Variants in EYA3 observed in about 807,000 individuals in gnomAD.
The protein encoded by EYA3 is protein phosphatase EYA3.
Under a neutral mutation model 80.0 loss-of-function variants are expected in EYA3, and 39 were observed. That is an observed-to-expected ratio of 0.49 (90% CI 0.38 to 0.64). EYA3 has a LOEUF of 0.64. EYA3 is among the 30% of genes least tolerant of loss of function. The pLI, the probability that EYA3 is intolerant of heterozygous loss-of-function variation, is 0.00. For synonymous variants in EYA3, 206 were observed against 232.8 expected (o/e 0.88, Z 1.05); for missense variants, 523 against 676.1 (o/e 0.77, Z 2.51).
intron 2 of EYA3, among the ~76,000 whole-genome samples, chr1:28,053,170 A>C (rs928243854): frequency 6.6e-6 from 1 of 151,142 alleles, no homozygotes; most frequent in Non-Finnish European, 1.5e-5. Flanking sequence ...AAAAAAAAAA[A>C]AAAAAAAACA....
At chr1:28,063,304 T>C (rs1404615958) in intron 1 of EYA3, among the ~76,000 whole-genome samples, 1 of 77,370 alleles carries the variant, frequency 1.3e-5, no homozygotes, top group Non-Finnish European at 2.9e-5. Context: ...TATATATATA[T>C]ATTTTTTTTT....
chr1:28,039,287 T>C (rs897368150), intron 4 of EYA3, among the ~76,000 whole-genome samples: 1 of 152,226 alleles, frequency 6.6e-6, no homozygotes, highest in Non-Finnish European at 1.5e-5. Flanking sequence ...TATTTGTTCT[T>C]TGAGTGCTTA....
chr1:28,073,796 T>C (rs947430773), intron 1 of EYA3, among the ~76,000 whole-genome samples: 6 of 152,188 alleles, frequency 3.9e-5, no homozygotes, highest in African/African-American at 1.2e-4. Flanking sequence ...CAGAACTGTA[T>C]GTTTAAAAGA....
chr1:27,978,686 G>A (rs145320814), intron 16 of EYA3, among the ~76,000 whole-genome samples: 3,478 of 152,220 alleles, frequency 0.023, 49 homozygotes, highest in Non-Finnish European at 0.033. Context: ...TAACTTGGCC[G>A]GGCATGGTGG....
At chr1:28,034,283 CAG>C (rs1436588633) in intron 6 of EYA3, among the ~76,000 whole-genome samples, 1 of 151,826 alleles carries the variant, frequency 6.6e-6, no homozygotes, top group Non-Finnish European at 1.5e-5. Context: ...CAAATCAAAA[CAG>C]AAGATTTAAA....
chr1:28,013,102 G>A lies in EYA3; in HGVS notation c.769+9C>T, dbSNP rs374567109. The A allele has an allele frequency of 2.2e-5, 35 of 1,606,860 alleles. No individual in the cohort carries two copies. Among genetic ancestry groups the A allele is most frequent in the African/African-American group, 2.7e-5 (2 of 74,592 alleles). On this transcript the variant is annotated intron_variant, in intron 9 of 17. Transcript: ENST00000373871. The surrounding 1 kb of genome is among the most constrained non-coding windows in gnomAD (Gnocchi z 4.0). ...CTTAAGCCAAAGTTTTCAGAGCTGCGGTGCTTACCAGAGGAAAGTCTCTGT... is the reference window on the plus strand; with the variant it reads ...CTTAAGCCAAAGTTTTCAGAGCTGCAGTGCTTACCAGAGGAAAGTCTCTGT...
intron 1 of EYA3, among the ~76,000 whole-genome samples, chr1:28,072,105 T>C (rs2148931621): frequency 6.6e-6 from 1 of 152,124 alleles, no homozygotes; most frequent in South Asian, 2.1e-4. Flanking sequence ...ATTGAATTCA[T>C]TCCCCCCAAA....
chr1:28,022,777 C>T (rs369367876), intron 7 of EYA3, among the ~76,000 whole-genome samples: 3 of 151,994 alleles, frequency 2.0e-5, no homozygotes, highest in East Asian at 1.9e-4. Flanking sequence ...TTCAGTGGTG[C>T]GATCACAGCT....
intron 1 of EYA3, among the ~76,000 whole-genome samples, chr1:28,079,004 T>A (rs1645324326): frequency 6.6e-6 from 1 of 152,208 alleles, no homozygotes; most frequent in South Asian, 2.1e-4. Context: ...ACAGCCAGAA[T>A]TCTTAAGCCA....
chr1:27,981,277 A>G (rs1374305382), intron 16 of EYA3, among the ~76,000 whole-genome samples: 1 of 152,210 alleles, frequency 6.6e-6, no homozygotes, highest in East Asian at 1.9e-4. Flanking sequence ...CAGCTTTGCA[A>G]ATTAGCTCTG....
chr1:27,980,383 GTTTGAC>G (rs1639219098), intron 16 of EYA3, among the ~76,000 whole-genome samples: 7 of 152,286 alleles, frequency 4.6e-5, no homozygotes, highest in African/African-American at 1.7e-4. Flanking sequence ...AAGTGAGTCA[GTTTGAC>G]TTTCTTGTAA....
At chr1:28,039,611 G>A (rs930190093) in intron 4 of EYA3, among the ~76,000 whole-genome samples, 10 of 152,072 alleles carry the variant, frequency 6.6e-5, no homozygotes, top group African/African-American at 2.4e-4. Context: ...ACTACTTCTG[G>A]TATGAACGCT....
chr1:28,000,941 T>C (rs925803876), intron 11 of EYA3, among the ~76,000 whole-genome samples: 5 of 152,080 alleles, frequency 3.3e-5, no homozygotes, highest in Admixed American at 3.3e-4. Context: ...GGTGCACACC[T>C]GCAGTCCCAG....
Position 28,035,694 on chromosome 1 carries a change from T to A in EYA3, c.225-14A>T, listed in dbSNP as rs773479287. ...TGTGCATAAGGTCTGGAAAATTTCA[T>A]GAAAACAAAAACTTTTGTGTGATTT... is the stretch of plus-strand genomic sequence containing the variant. On this transcript the variant is annotated splice_polypyrimidine_tract_variant and intron_variant, in intron 5 of 17. Coordinates refer to ENST00000373871, the MANE Select transcript of EYA3 (RefSeq NM_001990.4). 1.2e-6 allele frequency: 2 copies of A among 1,607,412 alleles called. No individual in the cohort carries two copies. The highest frequency in any genetic ancestry group is 2.2e-5 in the South Asian group (2 of 89,352).
intron 10 of EYA3, among the ~76,000 whole-genome samples, chr1:28,006,542 T>C (rs796454855): frequency 2.2e-4 from 34 of 151,894 alleles, no homozygotes; most frequent in African/African-American, 8.2e-4. Flanking sequence ...CCATCTCTAC[T>C]AAAAACACAA....
At chr1:27,974,913 C>T (rs1490709809) in intron 17 of EYA3, among the ~76,000 whole-genome samples, 1 of 152,024 alleles carries the variant, frequency 6.6e-6, no homozygotes, top group Non-Finnish European at 1.5e-5. Context: ...CTTACTCCAG[C>T]ATCCTGAGTA....
intron 16 of EYA3, among the ~76,000 whole-genome samples, chr1:27,986,923 C>T (rs1639699187): frequency 1.3e-5 from 2 of 151,458 alleles, no homozygotes; most frequent in Non-Finnish European, 1.5e-5. Context: ...AGGATAGTCT[C>T]GATCTCCTGA....
At chr1:28,004,668 TAG>T (rs942290267) in intron 10 of EYA3, among the ~76,000 whole-genome samples, 5 of 151,992 alleles carry the variant, frequency 3.3e-5, no homozygotes, top group Admixed American at 3.3e-4. Flanking sequence ...GGAAAAATTA[TAG>T]CTTATTTTAT....
chr1:28,084,456 C>T (rs560686844), intron 1 of EYA3, among the ~76,000 whole-genome samples: 1 of 149,162 alleles, frequency 6.7e-6, no homozygotes, highest in African/African-American at 2.5e-5. Context: ...AATTAGAAAA[C>T]AGAAAGTCCA....
Sources: gnomAD v4.1 joint callset for allele counts (sites outside exome capture counted in the v4.1 genomes callset) on GRCh38, gnomAD v4.1.1 for gene constraint, Gnocchi (gnomAD v3.1) non-coding constraint, MANE v1.5 for transcripts, NCBI Gene and HGNC (gene_info 2026-07-23, HGNC 2026-07-21) for gene names.